HS6ST3: variants seen among roughly 807,000 people sequenced by gnomAD.
HS6ST3 encodes the protein heparan-sulfate 6-O-sulfotransferase 3.
Under a neutral mutation model 36.7 loss-of-function variants are expected in HS6ST3, and 12 were observed. The ratio of observed to expected loss-of-function variants is 0.33; its 90% confidence interval spans 0.21 to 0.53. The LOEUF is 0.53. Ranked by LOEUF, HS6ST3 falls within the 20% of genes least tolerant of loss-of-function variation. The probability of loss-of-function intolerance (pLI) is 0.95; values close to 1 mark genes in which losing one functional copy is unlikely to be tolerated. For synonymous variants in HS6ST3, 240 were observed against 257.5 expected (o/e 0.93, Z 0.65); for missense variants, 584 against 640.9 (o/e 0.91, Z 0.96).
intron 1 of HS6ST3, among the ~76,000 whole-genome samples, chr13:96,511,405 C>T (rs1304597194): frequency 6.6e-6 from 1 of 151,974 alleles, no homozygotes; most frequent in African/African-American, 2.4e-5. Flanking sequence ...CCTCCAATAG[C>T]CCACAGTAGG....
chr13:96,268,632 G>A (rs1363122256), intron 1 of HS6ST3, among the ~76,000 whole-genome samples: 1 of 151,878 alleles, frequency 6.6e-6, no homozygotes, highest in Admixed American at 6.6e-5. Context: ...ATGGTATAAA[G>A]CAACTCTTCC....
intron 1 of HS6ST3, among the ~76,000 whole-genome samples, chr13:96,117,974 A>G (rs559961269): frequency 6.6e-6 from 1 of 152,002 alleles, no homozygotes; most frequent in Non-Finnish European, 1.5e-5. Context: ...GGTTCAAACA[A>G]TTCAACTGCC....
chr13:96,306,918 C>T (rs535953027), intron 1 of HS6ST3, among the ~76,000 whole-genome samples: 2 of 152,262 alleles, frequency 1.3e-5, no homozygotes, highest in South Asian at 4.1e-4. Flanking sequence ...AGTGGCTTAC[C>T]TGGAGCTGAT....
intron 1 of HS6ST3, among the ~76,000 whole-genome samples, chr13:96,115,955 T>C (rs1417441271): frequency 1.3e-5 from 2 of 152,206 alleles, no homozygotes; most frequent in African/African-American, 4.8e-5. Context: ...TGGCATGAGA[T>C]GGTATCTCAT....
chr13:96,099,455 T>TCC (rs774560835), intron 1 of HS6ST3, among the ~76,000 whole-genome samples: 1 of 151,884 alleles, frequency 6.6e-6, no homozygotes, highest in African/African-American at 2.4e-5. Context: ...GCAGTCTTTT[T>TCC]CCCCCCCAGC....
intron 1 of HS6ST3, among the ~76,000 whole-genome samples, chr13:96,495,838 T>A (rs915885781): frequency 1.1e-4 from 16 of 152,168 alleles, no homozygotes; most frequent in African/African-American, 3.6e-4. Context: ...ATAAAAAAAA[T>A]ACTCATTAAT....
Position 96,093,046 on chromosome 13 carries a change from A to G in HS6ST3, c.707+1477A>G, listed in dbSNP as rs577348649. On this transcript the variant is annotated intron_variant, in intron 1 of 1. Transcript: ENST00000376705. ...TCCAAACCTCCTAACACATAACACT[A>G]TTACTTCAGTGAGACACAATTTCTG... Among the ~76,000 whole-genome samples the G allele has an allele frequency of 4.6e-5, 7 of 152,292 alleles. No individual in the cohort carries two copies. The South Asian group carries it at 8.3e-4, about 18-fold the overall frequency.
intron 1 of HS6ST3, among the ~76,000 whole-genome samples, chr13:96,216,923 C>T (rs1164750061): frequency 3.3e-5 from 5 of 152,200 alleles, no homozygotes; most frequent in Non-Finnish European, 7.3e-5. Flanking sequence ...GCTTTTCTGT[C>T]GCTGCATGCC....
chr13:96,407,360 T>C (rs571969028), intron 1 of HS6ST3, among the ~76,000 whole-genome samples: 43 of 152,356 alleles, frequency 2.8e-4, no homozygotes, highest in Admixed American at 2.8e-3. Flanking sequence ...ACTGGGGTCA[T>C]ATCTGTGCTC....
chr13:96,090,913 C>G lies in HS6ST3; in HGVS notation c.51C>G (p.Leu17=). ...KWLLTPVLTL[L]FVVIMYQYVS... ...TGCTGACGCCGGTGCTCACTCTCCT[C>G]TTCGTGGTCATCATGTACCAGTACG... Residue 17 remains leucine, a synonymous_variant, in exon 1 of 2, where the codon CTC becomes CTG. Transcript: ENST00000376705. The G allele has an allele frequency of 6.6e-7, 1 of 1,514,596 alleles. No homozygotes were observed. The highest frequency in any genetic ancestry group is 1.4e-5 in the African/African-American group (1 of 69,170). 93.8% of individuals were successfully genotyped at this position (1,514,596 alleles called of 1,614,324 possible). A position where few individuals can be genotyped will look rare whatever the true frequency, so the allele number is the denominator to read the frequency against.
At chr13:96,426,357 G>A (rs1304527031) in intron 1 of HS6ST3, among the ~76,000 whole-genome samples, 1 of 152,108 alleles carries the variant, frequency 6.6e-6, no homozygotes, top group Non-Finnish European at 1.5e-5. Flanking sequence ...TGTTTTCTAA[G>A]GTTGTAATTG....
chr13:96,171,776 T>A (rs908403282), intron 1 of HS6ST3, among the ~76,000 whole-genome samples: 10 of 152,318 alleles, frequency 6.6e-5, no homozygotes, highest in Admixed American at 1.3e-4. Context: ...GTTTGAGAAA[T>A]TAATAGACAT....
At chr13:96,565,565 G>A (rs2056278144) in intron 1 of HS6ST3, among the ~76,000 whole-genome samples, 1 of 152,076 alleles carries the variant, frequency 6.6e-6, no homozygotes, top group Admixed American at 6.6e-5. Flanking sequence ...GGGAGAGATG[G>A]GACACTAAAA....
chr13:96,624,018 A>G (rs2056503939), intron 1 of HS6ST3, among the ~76,000 whole-genome samples: 1 of 152,230 alleles, frequency 6.6e-6, no homozygotes, highest in Non-Finnish European at 1.5e-5. Context: ...CTTGCTTGGT[A>G]TATGAAATGC....
chr13:96,413,387 C>G (rs149757861), intron 1 of HS6ST3, among the ~76,000 whole-genome samples: 11 of 151,836 alleles, frequency 7.2e-5, no homozygotes, highest in African/African-American at 2.2e-4. Context: ...TTAGAATGAG[C>G]GGAAAATAAC....
chr13:96,541,783 C>T (rs2056178892), intron 1 of HS6ST3, among the ~76,000 whole-genome samples: 1 of 152,130 alleles, frequency 6.6e-6, no homozygotes, highest in African/African-American at 2.4e-5. Flanking sequence ...CCATGGCTTG[C>T]AACTATGATG....
At chr13:96,721,842 T>G (rs1875856375) in intron 1 of HS6ST3, among the ~76,000 whole-genome samples, 1 of 152,148 alleles carries the variant, frequency 6.6e-6, no homozygotes, top group Non-Finnish European at 1.5e-5. Flanking sequence ...AACAAAATAA[T>G]TTAAGTAATA....
chr13:96,514,403 G>A (rs916671174), intron 1 of HS6ST3, among the ~76,000 whole-genome samples: 4 of 152,168 alleles, frequency 2.6e-5, no homozygotes, highest in Non-Finnish European at 4.4e-5. Context: ...ATTTTCTACA[G>A]GTGGCTGCTG....
At chr13:96,767,140 C>G (rs538824924) in intron 1 of HS6ST3, among the ~76,000 whole-genome samples, 146 of 152,270 alleles carry the variant, frequency 9.6e-4, no homozygotes, top group African/African-American at 2.9e-3. Context: ...AAATCCTATC[C>G]GTGATCTTTG....
Sources: gnomAD v4.1 joint callset for allele counts (sites outside exome capture counted in the v4.1 genomes callset) on GRCh38, gnomAD v4.1.1 for gene constraint, MANE v1.5 for transcripts, NCBI Gene and HGNC (gene_info 2026-07-23, HGNC 2026-07-21) for gene names.